The following UNC13B variants were observed in gnomAD, a reference collection of about 807,000 sequenced individuals.
UNC13B encodes the protein protein unc-13 homolog B.
In UNC13B, 144 loss-of-function variants were observed where a neutral mutation model predicts 211.0. The observed-to-expected ratio is 0.68, with a 90% CI of 0.60 to 0.78. The LOEUF (loss-of-function observed/expected upper bound fraction) is 0.78, where lower values mean the gene tolerates loss of function less well. UNC13B is among the 30% of genes least tolerant of loss of function. UNC13B has a pLI of 0.00. For synonymous variants in UNC13B, 709 were observed against 725.8 expected (o/e 0.98, Z 0.37); for missense variants, 1,777 against 2,002.0 (o/e 0.89, Z 2.14).
rs371483220 is a variant in UNC13B at position 35,377,539 on chromosome 9, C to T, written c.9907C>T (p.Arg3303Cys). The T allele has an allele frequency of 1.2e-5, 19 of 1,614,082 alleles. No homozygotes were observed. Among genetic ancestry groups the T allele is most frequent in the African/African-American group, 1.1e-4 (8 of 74,908 alleles). The change falls in exon 16 of 40, where the codon CGC becomes TGC. Residue 3303 changes from arginine to cysteine, a missense_variant. Physicochemically the swap from Arg to Cys is radical, Grantham distance 180. Coordinates refer to ENST00000635942, the MANE Select transcript of UNC13B (RefSeq NM_001371189.2). ...GAACATTATCATGGCCATGAAGGACCGCATGAAGATCCGAGAGCGAAATAA... is the reference window on the plus strand; with the variant it reads ...GAACATTATCATGGCCATGAAGGACTGCATGAAGATCCGAGAGCGAAATAA... ...TQNIIMAMKD[R>C]MKIRERNKPE... is the part of the protein sequence containing the mutation.
At chr9:35,231,613 G>A (rs1289725340) in intron 3 of UNC13B, among the ~76,000 whole-genome samples, 1 of 152,150 alleles carries the variant, frequency 6.6e-6, no homozygotes, top group Non-Finnish European at 1.5e-5. Context: ...TTGAAGGAAT[G>A]TGGCCATGCA....
chr9:35,204,613 G>A (rs571740499), intron 1 of UNC13B, among the ~76,000 whole-genome samples: 1 of 152,182 alleles, frequency 6.6e-6, no homozygotes, highest in Non-Finnish European at 1.5e-5. Flanking sequence ...GGAGCTTTAC[G>A]ATTTAATGAC....
intron 11 of UNC13B, among the ~76,000 whole-genome samples, chr9:35,357,968 C>T (rs1053478882): frequency 6.6e-6 from 1 of 152,230 alleles, no homozygotes; most frequent in East Asian, 1.9e-4. Context: ...ACCCCAGTCC[C>T]TGGCAACCAC....
At chr9:35,328,709 T>G (rs1831193301) in intron 11 of UNC13B, among the ~76,000 whole-genome samples, 1 of 107,656 alleles carries the variant, frequency 9.3e-6, no homozygotes, top group Admixed American at 9.0e-5. Context: ...TTCCTTCCCT[T>G]TCTTCCCTTC....
intron 7 of UNC13B, among the ~76,000 whole-genome samples, chr9:35,293,595 C>G (rs572958818): frequency 6.6e-6 from 1 of 152,256 alleles, no homozygotes; most frequent in African/African-American, 2.4e-5. Flanking sequence ...TCTGTGGGTT[C>G]AGAAAGAATT....
intron 1 of UNC13B, among the ~76,000 whole-genome samples, chr9:35,187,793 GA>G (rs1277512231): frequency 6.6e-6 from 1 of 152,166 alleles, no homozygotes; most frequent in African/African-American, 2.4e-5. Flanking sequence ...GGATCTGTTA[GA>G]AAGTGGCATT....
chr9:35,175,119 G>GAAAATACAA (rs1821554128), intron 1 of UNC13B, among the ~76,000 whole-genome samples: 2 of 152,358 alleles, frequency 1.3e-5, no homozygotes, highest in South Asian at 2.1e-4. Flanking sequence ...AGTTGAGGAA[G>GAAAATACAA]AAAATACAAA....
intron 28 of UNC13B, 98 bp downstream of exon 28, chr9:35,397,035 T>C: frequency 1.9e-6 from 3 of 1,595,766 alleles, no homozygotes; most frequent in Non-Finnish European, 2.6e-6. Flanking sequence ...TGGCTATGCC[T>C]GCCCTGTGGA....
At chr9:35,195,613 C>T (rs1350601969) in intron 1 of UNC13B, among the ~76,000 whole-genome samples, 1 of 152,064 alleles carries the variant, frequency 6.6e-6, no homozygotes, top group Non-Finnish European at 1.5e-5. Flanking sequence ...CCTTTTTTAC[C>T]TTATTTCTGA....
At chr9:35,199,768 A>G (rs1219860598) in intron 1 of UNC13B, among the ~76,000 whole-genome samples, 4 of 152,054 alleles carry the variant, frequency 2.6e-5, no homozygotes, top group African/African-American at 9.7e-5. Context: ...AGATTGCAAA[A>G]ATTTTCTCCC....
At chr9:35,369,097 A>G (rs1233226517) in intron 12 of UNC13B, among the ~76,000 whole-genome samples, 1 of 152,194 alleles carries the variant, frequency 6.6e-6, no homozygotes, top group African/African-American at 2.4e-5. Context: ...ATTAAAAACA[A>G]AGCCTACTGC....
intron 11 of UNC13B, chr9:35,361,721 T>C (rs1186599098): frequency 6.6e-6 from 1 of 152,174 alleles, no homozygotes; most frequent in Admixed American, 6.5e-5. Flanking sequence ...GTCTTAGAAG[T>C]GTGGACATAG....
In UNC13B at chr9:35,398,607, G is replaced by A. The variant is rs111762507; in HGVS notation, c.11886G>A (p.Thr3962=). The A allele has an allele frequency of 4.5e-4, 720 of 1,614,028 alleles. 7 individuals carry two copies. The African/African-American group carries it at 4.7e-3, about 11-fold the overall frequency. The change falls in exon 32 of 40, where the codon ACG becomes ACA. Residue 3962 remains threonine (T), a synonymous_variant. Coordinates refer to ENST00000635942, the MANE Select transcript of UNC13B (RefSeq NM_001371189.2). The stretch of plus-strand genomic sequence containing the variant: ...AGGAGCTGCAGGTGAAACTGAATAC[G>A]GTTCTGGATGAGCTCAGCATGGTGT... The part of the protein sequence containing the change: ...SLKELQVKLN[T]VLDELSMVFG...
intron 11 of UNC13B, among the ~76,000 whole-genome samples, chr9:35,336,569 T>C (rs1274673788): frequency 1.3e-5 from 2 of 152,184 alleles, no homozygotes; most frequent in African/African-American, 2.4e-5. Context: ...TGATCATGGC[T>C]CACTGCTGCC....
chr9:35,400,152 C>A (rs1351591477), intron 36 of UNC13B, 144 bp from the exon 37 acceptor site: 10 of 1,173,516 alleles, frequency 8.5e-6, no homozygotes, highest in Middle Eastern at 2.8e-4. Context: ...AAATAATACT[C>A]ATCCAAGAGC....
At chr9:35,174,886 A>G (rs1353106228) in intron 1 of UNC13B, among the ~76,000 whole-genome samples, 1 of 146,922 alleles carries the variant, frequency 6.8e-6, no homozygotes, top group African/African-American at 2.5e-5. Context: ...GCGCCCGGCC[A>G]CGTCTTGAAC....
intron 1 of UNC13B, among the ~76,000 whole-genome samples, chr9:35,181,022 TG>T (rs1173000695): frequency 6.6e-6 from 1 of 151,934 alleles, no homozygotes; most frequent in African/African-American, 2.4e-5. Context: ...CACTTGAGCC[TG>T]GGAAGTGAAG....
chr9:35,218,769 G>A (rs1306800159), intron 1 of UNC13B, among the ~76,000 whole-genome samples: 3 of 150,332 alleles, frequency 2.0e-5, no homozygotes, highest in South Asian at 4.2e-4. Context: ...TTCTTTTTGA[G>A]ATGGAGTTTC....
chr9:35,398,453 ATAGGCACTGGGG>A (rs1206515142), intron 31 of UNC13B, 89 bp from the exon 32 acceptor site: 3 of 1,378,252 alleles, frequency 2.2e-6, no homozygotes, highest in Non-Finnish European at 3.1e-6. Flanking sequence ...CGAGGGAGGA[ATAGGCACTGGGG>A]TAAGCCCTGC....
Sources: allele counts gnomAD v4.1 joint callset (sites outside exome capture counted in the v4.1 genomes callset), GRCh38; gene constraint gnomAD v4.1.1; transcripts MANE v1.5; gene names NCBI Gene and HGNC (gene_info 2026-07-23, HGNC 2026-07-21).